The following EYA1 variants were observed in gnomAD, a reference collection of about 807,000 sequenced individuals.
The protein encoded by EYA1 is EYA transcriptional coactivator and phosphatase 1, also known as protein phosphatase EYA1.
EYA1 carries 16 observed loss-of-function variants against 82.0 expected under a neutral mutation model. The ratio of observed to expected loss-of-function variants is 0.20; its 90% CI spans 0.13 to 0.30. EYA1 has a LOEUF of 0.30. EYA1 is among the 10% of genes least tolerant of loss of function. The pLI is 1.00. For synonymous variants in EYA1, 261 were observed against 264.4 expected (o/e 0.99, Z 0.12); for missense variants, 633 against 730.7 (o/e 0.87, Z 1.54).
chr8:71,256,316 T>C (rs558827220), intron 11 of EYA1, among the ~76,000 whole-genome samples: 3 of 152,170 alleles, frequency 2.0e-5, no homozygotes, highest in Non-Finnish European at 4.4e-5. Context: ...TGACCATTGA[T>C]AGATATATCA....
At chr8:71,211,507 C>T (rs1038704373) in intron 16 of EYA1, among the ~76,000 whole-genome samples, 1 of 152,100 alleles carries the variant, frequency 6.6e-6, no homozygotes. Context: ...CCCAAGGACT[C>T]ATTTATTAAA....
At chr8:71,486,820 G>A (rs1246223000) in intron 2 of EYA1, among the ~76,000 whole-genome samples, 2 of 151,844 alleles carry the variant, frequency 1.3e-5, no homozygotes, top group African/African-American at 2.4e-5. Context: ...AAGAAACAAA[G>A]GAAGAGAATG....
At chr8:71,389,162 T>C (rs942878671) in intron 2 of EYA1, among the ~76,000 whole-genome samples, 5 of 152,054 alleles carry the variant, frequency 3.3e-5, no homozygotes, top group African/African-American at 1.2e-4. Flanking sequence ...TCACTATTTT[T>C]TAATGGGGAA....
intron 7 of EYA1, among the ~76,000 whole-genome samples, chr8:71,301,529 T>C (rs1460552492): frequency 6.6e-6 from 1 of 152,246 alleles, no homozygotes; most frequent in Admixed American, 6.5e-5. Context: ...CCTATTTACT[T>C]ATCAAGCATC....
chr8:71,406,381 C>T (rs538792125), intron 2 of EYA1, among the ~76,000 whole-genome samples: 3 of 152,190 alleles, frequency 2.0e-5, no homozygotes, highest in East Asian at 1.9e-4. Flanking sequence ...CCAAGATGGC[C>T]GAATAGGAAC....
At chr8:71,391,896 C>T (rs1161581734) in intron 2 of EYA1, among the ~76,000 whole-genome samples, 8 of 152,192 alleles carry the variant, frequency 5.3e-5, no homozygotes, top group Non-Finnish European at 1.2e-4. Flanking sequence ...TAGGAAGTCT[C>T]CTTCCCCAAC....
intron 3 of EYA1, among the ~76,000 whole-genome samples, chr8:71,338,376 C>G (rs1824742169): frequency 6.6e-6 from 1 of 152,184 alleles, no homozygotes; most frequent in Admixed American, 6.5e-5. Context: ...CAATTGTGAT[C>G]AATAATTCCA....
chr8:71,328,279 A>G (rs1293755398), intron 4 of EYA1, among the ~76,000 whole-genome samples: 2 of 152,208 alleles, frequency 1.3e-5, no homozygotes, highest in Non-Finnish European at 2.9e-5. Context: ...AGCCCTGTTC[A>G]TAGCCATTCC....
chr8:71,500,668 T>C (rs1439287352), intron 2 of EYA1, among the ~76,000 whole-genome samples: 3 of 152,224 alleles, frequency 2.0e-5, no homozygotes, highest in Non-Finnish European at 4.4e-5. Flanking sequence ...TCTATTTTTT[T>C]ATATCTATTA....
At chr8:71,440,760 T>G (rs1353125568) in intron 2 of EYA1, among the ~76,000 whole-genome samples, 1 of 152,108 alleles carries the variant, frequency 6.6e-6, no homozygotes, top group Non-Finnish European at 1.5e-5. Context: ...GGGTTTTAAC[T>G]TGCAGCTAAC....
chr8:71,335,056 C>G (rs564032321), intron 3 of EYA1, among the ~76,000 whole-genome samples: 1 of 152,248 alleles, frequency 6.6e-6, no homozygotes, highest in East Asian at 1.9e-4. Context: ...TCGTTGTTTT[C>G]CTTAGAAACT....
chr8:71,200,743 A>G (rs1195692622), intron 17 of EYA1, among the ~76,000 whole-genome samples: 1 of 151,954 alleles, frequency 6.6e-6, no homozygotes, highest in Non-Finnish European at 1.5e-5. Context: ...TGCCTACCCT[A>G]TTTTGAGTAG....
At chr8:71,501,490 A>G (rs1811799917) in intron 2 of EYA1, among the ~76,000 whole-genome samples, 2 of 152,260 alleles carry the variant, frequency 1.3e-5, no homozygotes, top group Admixed American at 1.3e-4. Context: ...TCTAACTACC[A>G]AAAGAAAATT....
intron 2 of EYA1, among the ~76,000 whole-genome samples, chr8:71,532,916 C>A (rs915145950): frequency 6.6e-6 from 1 of 152,154 alleles, no homozygotes; most frequent in Non-Finnish European, 1.5e-5. Flanking sequence ...AAGAATATAT[C>A]ATGGACACAA....
chr8:71,527,359 C>T (rs1437587785), intron 2 of EYA1, among the ~76,000 whole-genome samples: 1 of 152,150 alleles, frequency 6.6e-6, no homozygotes, highest in Non-Finnish European at 1.5e-5. Flanking sequence ...TTATCCTATA[C>T]AGTAAGGACA....
chr8:71,481,128 TAAA>T (rs1810118599), intron 2 of EYA1, among the ~76,000 whole-genome samples: 1 of 152,108 alleles, frequency 6.6e-6, no homozygotes, highest in Admixed American at 6.5e-5. Flanking sequence ...TATGCACAAA[TAAA>T]GAAAACACAC....
chr8:71,509,009 C>T (rs1454651921), intron 2 of EYA1, among the ~76,000 whole-genome samples: 1 of 151,982 alleles, frequency 6.6e-6, no homozygotes, highest in Non-Finnish European at 1.5e-5. Context: ...ACTGCTTGAG[C>T]CCAAAAGTTT....
chr8:71,479,437 A>G (rs932191315), intron 2 of EYA1, among the ~76,000 whole-genome samples: 1 of 152,034 alleles, frequency 6.6e-6, no homozygotes, highest in African/African-American at 2.4e-5. Context: ...TTAACATGCT[A>G]TGTAATTTCC....
chr8:71,334,368 A>G, intron 3 of EYA1, 194 bp from the exon 4 acceptor site: 2 of 652,576 alleles, frequency 3.1e-6, no homozygotes, highest in Non-Finnish European at 5.5e-6. Flanking sequence ...CCCTTAGGAA[A>G]CAATCTATTG....
Sources: gnomAD v4.1 joint callset for allele counts (sites outside exome capture counted in the v4.1 genomes callset) on GRCh38, gnomAD v4.1.1 for gene constraint, MANE v1.5 for transcripts, NCBI Gene and HGNC (gene_info 2026-07-23, HGNC 2026-07-21) for gene names.